TAS1R2: variants seen among roughly 807,000 people sequenced by gnomAD.
TAS1R2 encodes taste receptor type 1 member 2.
A neutral mutation model predicts 49.3 loss-of-function variants in TAS1R2; 47 were observed. That is an observed-to-expected ratio of 0.95 (90% CI 0.75 to 1.22). TAS1R2 has a LOEUF of 1.22. TAS1R2 is among the 50% of genes most tolerant of loss of function. The probability of loss-of-function intolerance (pLI) is 0.00; values close to 1 mark genes in which losing one functional copy is unlikely to be tolerated. For synonymous variants in TAS1R2, 479 were observed against 467.9 expected (o/e 1.02, Z -0.31); for missense variants, 1,155 against 1,122.1 (o/e 1.03, Z -0.42).
At chr1:18,840,081 C>T (rs1933789337) in exon 6 of TAS1R2, 40 of 1,614,230 alleles carry the variant, frequency 2.5e-5, no homozygotes, top group Middle Eastern at 1.6e-4. Context: ...GCCATAGAGA[C>T]GTAGGGCCCC....
chr1:18,841,647 G>T, intron 5 of TAS1R2, 82 bp downstream of exon 5: 1 of 1,520,718 alleles, frequency 6.6e-7, no homozygotes, highest in Non-Finnish European at 8.9e-7. Flanking sequence ...ACCCTGCCAA[G>T]GAGGACAAGC....
chr1:18,840,684 G>T (rs992586020), intron 5 of TAS1R2, among the ~76,000 whole-genome samples, 157 bp from the exon 6 acceptor site: 1 of 152,198 alleles, frequency 6.6e-6, no homozygotes, highest in Non-Finnish European at 1.5e-5. Context: ...ATGTGCATTG[G>T]CTCATCAAAT....
intron 2 of TAS1R2, among the ~76,000 whole-genome samples, chr1:18,856,351 C>T (rs1270302077): frequency 6.6e-6 from 1 of 152,094 alleles, no homozygotes; most frequent in Non-Finnish European, 1.5e-5. Flanking sequence ...TCAGTGACAC[C>T]CACCTGACCA....
At position 18,857,489 on chromosome 1, in the gene TAS1R2, G is replaced by A. The variant is rs780024715; in HGVS notation, c.325C>T (p.Gln109Ter). ...TGTGCCAGGAAGTAGAGCACCGGCTGGACATTGTTGGAGATGTAGCACACA... is the reference window on the plus strand; with the variant it reads ...TGTGCCAGGAAGTAGAGCACCGGCTAGACATTGTTGGAGATGTAGCACACA... Residue 109 changes from glutamine (Q) to a stop codon, truncating the protein, a stop_gained, in exon 2 of 6, where the codon CAG becomes TAG. Coordinates refer to ENST00000375371, the Ensembl canonical transcript of TAS1R2. LOFTEE classifies it high-confidence loss of function. 1 of 1,614,212 alleles carries A rather than the reference G, an allele frequency of 6.2e-7. No individual in the cohort carries two copies. Among genetic ancestry groups the A allele is most frequent in the East Asian group, 2.2e-5 (1 of 44,892 alleles).
Position 18,849,325 on chromosome 1 carries a change from A to G in TAS1R2, c.1467+16T>C, listed in dbSNP as rs774696943. ...CCCGCCCCAGGCCTGCCCACCCACC[A>G]GGCCCCCTGGCTGACCGTGTTGTTG... On this transcript the variant is annotated intron_variant, in intron 4 of 5. Coordinates refer to ENST00000375371, the Ensembl canonical transcript of TAS1R2. 2 of 1,612,470 alleles carry G rather than the reference A, an allele frequency of 1.2e-6. No individual in the cohort carries two copies. The highest frequency in any genetic ancestry group is 1.7e-6 in the Non-Finnish European group (2 of 1,179,384).
At chr1:18,859,564 A>T (rs1327288633) in exon 1 of TAS1R2, 1 of 1,614,212 alleles carries the variant, frequency 6.2e-7, no homozygotes, top group South Asian at 1.1e-5. Context: ...CCCAGGAGGT[A>T]ATCCCCAGGC....
chr1:18,843,473 G>T (rs901534178), intron 4 of TAS1R2, among the ~76,000 whole-genome samples: 4 of 152,138 alleles, frequency 2.6e-5, no homozygotes, highest in African/African-American at 9.7e-5. Context: ...AACCTCTTTA[G>T]ATTTGCGGGA....
At chr1:18,845,870 A>C (rs1043321466) in intron 4 of TAS1R2, among the ~76,000 whole-genome samples, 1 of 152,196 alleles carries the variant, frequency 6.6e-6, no homozygotes, top group Non-Finnish European at 1.5e-5. Flanking sequence ...GAGAGCAGCC[A>C]AATGCTGGCT....
At chr1:18,853,059 G>A (rs1934061880) in intron 3 of TAS1R2, among the ~76,000 whole-genome samples, 1 of 152,192 alleles carries the variant, frequency 6.6e-6, no homozygotes, top group African/African-American at 2.4e-5. Context: ...CAGCTGGGAG[G>A]ATGCCCAGAA....
exon 6 of TAS1R2, chr1:18,840,236 G>C: frequency 6.2e-7 from 1 of 1,614,130 alleles, no homozygotes; most frequent in South Asian, 1.1e-5. Flanking sequence ...GAGGCAGGTG[G>C]AGACCTTGGG....
chr1:18,856,921 T>C (rs781260620), intron 2 of TAS1R2, among the ~76,000 whole-genome samples: 43 of 152,206 alleles, frequency 2.8e-4, no homozygotes, highest in Admixed American at 5.9e-4. Flanking sequence ...ACTTCAAGTT[T>C]TTATTCCTGT....
At chr1:18,841,843 A>C (rs1429841705) in exon 5 of TAS1R2, 1 of 1,608,594 alleles carries the variant, frequency 6.2e-7, no homozygotes, top group Non-Finnish European at 8.5e-7. Context: ...GAACACATGG[A>C]CATAGGGATC....
chr1:18,850,821 T>G (rs1446925512), intron 3 of TAS1R2, among the ~76,000 whole-genome samples: 3 of 152,156 alleles, frequency 2.0e-5, no homozygotes, highest in African/African-American at 7.2e-5. Context: ...CCTACCCCTA[T>G]CCCAGCATAA....
intron 1 of TAS1R2, among the ~76,000 whole-genome samples, chr1:18,859,046 C>A (rs1454277724): frequency 1.1e-4 from 17 of 152,122 alleles, no homozygotes; most frequent in Admixed American, 1.1e-3. Flanking sequence ...TCCCTCTCGG[C>A]CCAAAAGCAC....
chr1:18,857,730 C>A, intron 1 of TAS1R2, 99 bp from the exon 2 acceptor site: 1 of 1,387,334 alleles, frequency 7.2e-7, no homozygotes. Context: ...ACAGGAAAGC[C>A]AAGGCATTGA....
At chr1:18,847,420 AAC>A (rs879709254) in intron 4 of TAS1R2, among the ~76,000 whole-genome samples, 4 of 152,104 alleles carry the variant, frequency 2.6e-5, no homozygotes, top group Admixed American at 1.3e-4. Context: ...CTAGGAAACT[AAC>A]ACAGACACCA....
Position 18,851,351 on chromosome 1 carries a change from G to A in TAS1R2, c.1258-1801C>T, listed in dbSNP as rs189050512. ...TTTTGTTTTGCTTTTTTTTTAAGACGGAGTCTCACTCTGTCGCCCAGGCTG... is the reference window on the plus strand; with the variant it reads ...TTTTGTTTTGCTTTTTTTTTAAGACAGAGTCTCACTCTGTCGCCCAGGCTG... On this transcript the variant is annotated intron_variant, in intron 3 of 5. Coordinates refer to ENST00000375371, the Ensembl canonical transcript of TAS1R2. 6.2e-4 allele frequency among the ~76,000 whole-genome samples: 94 copies of A among 151,930 alleles called. 3 individuals are homozygous for A. In the East Asian group the frequency reaches 0.016, roughly 26 times the overall value.
intron 4 of TAS1R2, among the ~76,000 whole-genome samples, chr1:18,843,383 G>A (rs1241463650): frequency 2.0e-5 from 3 of 152,184 alleles, no homozygotes; most frequent in Admixed American, 2.0e-4. Context: ...AAGGTACAGA[G>A]AATGCCAGGA....
chr1:18,840,877 G>T (rs3935570), intron 5 of TAS1R2, among the ~76,000 whole-genome samples: 40,238 of 152,112 alleles, frequency 0.26, 5,604 homozygotes, highest in Middle Eastern at 0.31. Context: ...TTCAACCACT[G>T]ACTCAAAGAA....
Sources: allele counts gnomAD v4.1 joint callset (sites outside exome capture counted in the v4.1 genomes callset), GRCh38; gene constraint gnomAD v4.1.1; transcripts MANE v1.5; gene names NCBI Gene and HGNC (gene_info 2026-07-23, HGNC 2026-07-21).